The following SCN9A variants were observed in gnomAD, a reference collection of about 807,000 sequenced individuals.
The protein encoded by SCN9A is sodium channel protein type 9 subunit alpha.
A neutral mutation model predicts 187.0 loss-of-function variants in SCN9A; 131 were observed. The ratio of observed to expected loss-of-function variants is 0.70; its 90% CI spans 0.61 to 0.81. The LOEUF (loss-of-function observed/expected upper bound fraction) is 0.81. Ranked by LOEUF, SCN9A falls within the 30% of genes least tolerant of loss-of-function variation. The pLI is 0.00. For synonymous variants in SCN9A, 809 were observed against 808.6 expected, an observed-to-expected ratio of 1.00 and a Z score of -0.01; for missense variants, 2,252 against 2,396.6, an observed-to-expected ratio of 0.94 and a Z score of 1.26.
intron 1 of SCN9A, among the ~76,000 whole-genome samples, chr2:166,347,781 G>A (rs748230779): frequency 5.9e-5 from 9 of 152,204 alleles, no homozygotes; most frequent in East Asian, 1.9e-4. Context: ...GTAGCCAATC[G>A]TAACCCAGCC....
At chr2:166,247,992 AGAGG>A (rs1695870857) in intron 18 of SCN9A, among the ~76,000 whole-genome samples, 1 of 152,136 alleles carries the variant, frequency 6.6e-6, no homozygotes, top group South Asian at 2.1e-4. Context: ...ACCTTGCATA[AGAGG>A]GAGAGAAAAG....
At chr2:166,234,800 C>G (rs775571160) in intron 20 of SCN9A, among the ~76,000 whole-genome samples, 6 of 151,874 alleles carry the variant, frequency 4.0e-5, no homozygotes, top group Admixed American at 2.6e-4. Context: ...CCTTTTGAAA[C>G]TCATGTTGGA....
At chr2:166,317,329 T>C (rs890747347) in intron 1 of SCN9A, among the ~76,000 whole-genome samples, 5 of 152,034 alleles carry the variant, frequency 3.3e-5, no homozygotes, top group African/African-American at 1.2e-4. Flanking sequence ...TTTTGAAAAA[T>C]ATATTGCTAC....
At chr2:166,331,160 A>G (rs1699493969) in intron 1 of SCN9A, among the ~76,000 whole-genome samples, 1 of 152,138 alleles carries the variant, frequency 6.6e-6, no homozygotes, top group African/African-American at 2.4e-5. Context: ...ACTCCTTAAC[A>G]CATTTCTTTA....
At chr2:166,278,078 T>G in intron 15 of SCN9A, 62 bp downstream of exon 15, 1 of 1,374,758 alleles carries the variant, frequency 7.3e-7, no homozygotes, top group Non-Finnish European at 9.9e-7. Flanking sequence ...TTAAAAATAA[T>G]GCAAAACCAA....
intron 1 of SCN9A, among the ~76,000 whole-genome samples, chr2:166,328,249 G>A (rs1012580108): frequency 5.3e-5 from 8 of 150,578 alleles, no homozygotes; most frequent in Non-Finnish European, 1.0e-4. Context: ...TAGGATATAT[G>A]CATTTTTTTT....
In SCN9A at chr2:166,307,086, AAAAG is replaced by A. The variant is rs776958522; in HGVS notation, c.259-16_259-13del. Reference sequence around the variant, plus strand: ...AATACTATGAAAGTCTGCAGGAGGAAAAAGAAAGGATGAAATTGAGAATCCAAAA... The same window carrying A: ...AATACTATGAAAGTCTGCAGGAGGAAAAAGGATGAAATTGAGAATCCAAAA... On this transcript the variant is annotated splice_polypyrimidine_tract_variant and intron_variant, in intron 2 of 26. Coordinates refer to ENST00000642356, the MANE Select transcript of SCN9A (RefSeq NM_001365536.1). 5.5e-6 allele frequency: 8 copies of A among 1,443,208 alleles called. No homozygotes were observed. Among genetic ancestry groups the A allele is most frequent in the Non-Finnish European group, 7.8e-6 (8 of 1,029,394 alleles). The allele number at this position is 1,443,208 out of a possible 1,614,324, so 89.4% of individuals were successfully genotyped here. A position where few individuals can be genotyped will look rare whatever the true frequency, so the allele number is the denominator to read the frequency against.
chr2:166,289,200 A>ATT (rs112721450), intron 9 of SCN9A, among the ~76,000 whole-genome samples: 2 of 149,724 alleles, frequency 1.3e-5, no homozygotes, highest in South Asian at 2.1e-4. Context: ...AGGTACAGAG[A>ATT]TTTTTTTTTC....
intron 1 of SCN9A, among the ~76,000 whole-genome samples, chr2:166,363,043 G>A (rs975909136): frequency 6.6e-6 from 1 of 151,842 alleles, no homozygotes; most frequent in Non-Finnish European, 1.5e-5. Flanking sequence ...ACCTCCACAA[G>A]GATTGTCTAA....
At chr2:166,259,521 C>T (rs1033916590) in intron 17 of SCN9A, among the ~76,000 whole-genome samples, 1 of 151,720 alleles carries the variant, frequency 6.6e-6, no homozygotes, top group Admixed American at 6.6e-5. Flanking sequence ...CATAATTCTA[C>T]TCTACTATTT....
At chr2:166,247,272 AATTG>A (rs1444790728) in intron 18 of SCN9A, among the ~76,000 whole-genome samples, 2 of 151,706 alleles carry the variant, frequency 1.3e-5, no homozygotes, top group Non-Finnish European at 2.9e-5. Context: ...TTAATTTAAA[AATTG>A]ATTATGAAAA....
intron 24 of SCN9A, among the ~76,000 whole-genome samples, chr2:166,223,140 G>T (rs1166549806): frequency 6.6e-6 from 1 of 151,856 alleles, no homozygotes; most frequent in African/African-American, 2.4e-5. Flanking sequence ...AGCTGCCATA[G>T]AAAACAGTAT....
chr2:166,232,298 A>G (rs1399250068), intron 21 of SCN9A, among the ~76,000 whole-genome samples: 4 of 152,208 alleles, frequency 2.6e-5, no homozygotes, highest in African/African-American at 7.2e-5. Context: ...GTCTCTGCTA[A>G]TTGAGTATCT....
chr2:166,215,598 A>C (rs1694296422), intron 24 of SCN9A, among the ~76,000 whole-genome samples: 1 of 152,040 alleles, frequency 6.6e-6, no homozygotes, highest in African/African-American at 2.4e-5. Flanking sequence ...TAACACATAA[A>C]TACAAGGAAT....
chr2:166,312,889 C>CAGAT (rs1699004356), intron 1 of SCN9A, among the ~76,000 whole-genome samples: 1 of 150,466 alleles, frequency 6.6e-6, no homozygotes, highest in African/African-American at 2.4e-5. Context: ...TGTAAACAGA[C>CAGAT]GTGCTGTCAT....
chr2:166,305,557 C>A (rs776251366), intron 5 of SCN9A, among the ~76,000 whole-genome samples: 3 of 151,978 alleles, frequency 2.0e-5, no homozygotes, highest in Admixed American at 6.6e-5. Context: ...AAGTGCTGAG[C>A]ATGGAGGAAG....
intron 17 of SCN9A, among the ~76,000 whole-genome samples, chr2:166,256,426 A>T (rs1490039051): frequency 6.6e-6 from 1 of 151,336 alleles, no homozygotes; most frequent in Non-Finnish European, 1.5e-5. Context: ...GAATTTCAGG[A>T]AAAAAATGGA....
At chr2:166,291,372 G>T (rs1288370537) in intron 9 of SCN9A, among the ~76,000 whole-genome samples, 1 of 152,028 alleles carries the variant, frequency 6.6e-6, no homozygotes, top group East Asian at 1.9e-4. Context: ...GCTTACAAAG[G>T]ATATGAAAGA....
At chr2:166,268,247 T>G (rs986719955) in intron 17 of SCN9A, among the ~76,000 whole-genome samples, 1 of 152,014 alleles carries the variant, frequency 6.6e-6, no homozygotes, top group Non-Finnish European at 1.5e-5. Flanking sequence ...AAAGCTAAGA[T>G]TTGAGGCAAA....
Sources: allele counts gnomAD v4.1 joint callset (sites outside exome capture counted in the v4.1 genomes callset), GRCh38; gene constraint gnomAD v4.1.1; transcripts MANE v1.5; gene names NCBI Gene and HGNC (gene_info 2026-07-23, HGNC 2026-07-21).